Variants in PSEN1 observed in about 807,000 individuals in gnomAD.
PSEN1 encodes presenilin-1.
Under a neutral mutation model 53.5 loss-of-function variants are expected in PSEN1, and 15 were observed. That is an observed-to-expected ratio of 0.28 (90% CI 0.19 to 0.43). PSEN1 has a LOEUF of 0.43. PSEN1 is among the 20% of genes least tolerant of loss of function. The pLI is 1.00. For synonymous variants in PSEN1, 208 were observed against 209.8 expected (o/e 0.99, Z 0.08); for missense variants, 387 against 571.2 (o/e 0.68, Z 3.29).
intron 5 of PSEN1, among the ~76,000 whole-genome samples, chr14:73,179,171 A>G (rs1898130297): frequency 6.6e-6 from 1 of 152,194 alleles, no homozygotes; most frequent in African/African-American, 2.4e-5. Flanking sequence ...GGAGAGAGAG[A>G]AATAAAGCAA....
chr14:73,181,262 A>G (rs535041966), intron 5 of PSEN1, among the ~76,000 whole-genome samples: 1 of 152,238 alleles, frequency 6.6e-6, no homozygotes, highest in East Asian at 1.9e-4. Flanking sequence ...CAACATGGAG[A>G]AATCCTGTCT....
rs3025786 is a variant in PSEN1 at position 73,198,010 on chromosome 14, T to C, written c.770-21T>C. 0.044 allele frequency: 62,406 copies of C among 1,426,226 alleles called. 1,655 individuals are homozygous for C. The highest frequency in any genetic ancestry group is 0.075 in the Middle Eastern group (428 of 5,718). The allele number at this position is 1,426,226 out of a possible 1,614,324, so 88.3% of individuals were successfully genotyped here. A position where few individuals can be genotyped will look rare whatever the true frequency, so the allele number is the denominator to read the frequency against. On this transcript the variant is annotated intron_variant, in intron 7 of 11. Transcript: ENST00000324501. ...AGCCCATACATTTTATTAGATGTCT[T>C]TTATGTTTTTCTTTTTCTAGATTTA...
chr14:73,178,964 G>A (rs148356871), intron 5 of PSEN1, among the ~76,000 whole-genome samples: 12 of 152,186 alleles, frequency 7.9e-5, no homozygotes, highest in East Asian at 1.9e-4. Flanking sequence ...TGTCAGGGTC[G>A]GTGTGTACTG....
At chr14:73,148,549 G>A (rs893347118) in intron 3 of PSEN1, among the ~76,000 whole-genome samples, 4 of 152,226 alleles carry the variant, frequency 2.6e-5, no homozygotes, top group South Asian at 4.1e-4. Flanking sequence ...GGAAAAGAAC[G>A]TAATCTGTGC....
chr14:73,210,150 G>A (rs1451499393), intron 9 of PSEN1, among the ~76,000 whole-genome samples: 1 of 152,158 alleles, frequency 6.6e-6, no homozygotes, highest in East Asian at 1.9e-4. Flanking sequence ...AAAGAACTGA[G>A]AGATTACCTG....
chr14:73,208,862 A>G lies in PSEN1; in HGVS notation c.955+2390A>G, dbSNP rs775379696. The G allele has an allele frequency of 3.1e-5, 14 of 455,146 alleles. No homozygotes were observed. In the Middle Eastern group the frequency reaches 3.7e-3, roughly 120 times the overall value. The allele number at this position is 455,146 out of a possible 1,614,324, so 28.2% of individuals were successfully genotyped here. Reference sequence around the variant, plus strand: ...TCCTGCTGCCATCAACCTGCTGTCTATAGCTCCCATGGCACCCAGGCTGTT... The same window carrying G: ...TCCTGCTGCCATCAACCTGCTGTCTGTAGCTCCCATGGCACCCAGGCTGTT... On this transcript the variant is annotated intron_variant, in intron 9 of 11. Coordinates refer to ENST00000324501, the MANE Select transcript of PSEN1 (RefSeq NM_000021.4).
chr14:73,150,149 C>T (rs1413834940), intron 3 of PSEN1, among the ~76,000 whole-genome samples: 1 of 152,164 alleles, frequency 6.6e-6, no homozygotes, highest in Non-Finnish European at 1.5e-5. Flanking sequence ...GTACCTATCA[C>T]CCAGCTTTAT....
chr14:73,186,671 G>A (rs1898525036), intron 5 of PSEN1, among the ~76,000 whole-genome samples, 182 bp from the exon 6 acceptor site: 2 of 152,124 alleles, frequency 1.3e-5, no homozygotes, highest in African/African-American at 4.8e-5. Context: ...CACCTACTCA[G>A]GAGGCTTAAG....
rs1426950909 is a variant in PSEN1, at chr14:73,161,417, TTTC to T, written c.88-9379_88-9377del. On this transcript the variant is annotated intron_variant, in intron 3 of 11. Transcript: ENST00000324501. Reference sequence around the variant, plus strand: ...ATTTCTCTTAGCAATATTTTGTAAGTTTCATTGTACAGGATATTTGGGGATCTG... The same window carrying T: ...ATTTCTCTTAGCAATATTTTGTAAGTATTGTACAGGATATTTGGGGATCTG... 3.1e-3 allele frequency among the ~76,000 whole-genome samples: 477 copies of T among 152,326 alleles called. 2 individuals carry two copies. The highest frequency in any genetic ancestry group is 8.7e-3 in the African/African-American group (361 of 41,574).
chr14:73,159,676 G>A lies in PSEN1; in HGVS notation c.88-11121G>A, dbSNP rs369503109. On this transcript the variant is annotated intron_variant, in intron 3 of 11. Coordinates refer to ENST00000324501, the MANE Select transcript of PSEN1 (RefSeq NM_000021.4). ...CTGTTCCATCAGTCATGGGTCAAAG[G>A]CTGTTCTCATGGGGAGGCTTTTGAA... Among the ~76,000 whole-genome samples the A allele has an allele frequency of 2.9e-4, 44 of 152,272 alleles. 2 individuals are homozygous for A. In the South Asian group the frequency reaches 8.9e-3, roughly 31 times the overall value.
At position 73,206,418 on chromosome 14, in the gene PSEN1, G is replaced by A. The variant is rs1417396990; in HGVS notation, c.901G>A (p.Gly301Arg). Residue 301 changes from glycine (G) to arginine (R), a missense_variant, in exon 9 of 12, where the codon GGA (glycine) becomes AGA (arginine). Physicochemically the swap from Gly to Arg is moderately radical, Grantham distance 125 (BLOSUM62 -2). Coordinates refer to ENST00000324501, the MANE Select transcript of PSEN1 (RefSeq NM_000021.4). ...GGTGTGGTTGGTGAATATGGCAGAA[G>A]GAGACCCGGAAGCTCAAAGGAGAGT... ...TMVWLVNMAE[G>R]DPEAQRRVSK... 2 of 1,613,986 alleles carry A rather than the reference G, an allele frequency of 1.2e-6. No individual in the cohort carries two copies. The highest frequency in any genetic ancestry group is 1.7e-6 in the Non-Finnish European group (2 of 1,179,994).
chr14:73,184,890 G>C (rs1467708609), intron 5 of PSEN1, among the ~76,000 whole-genome samples: 1 of 150,458 alleles, frequency 6.6e-6, no homozygotes, highest in Non-Finnish European at 1.5e-5. Context: ...CTTCTCAGAC[G>C]GGGCGGCCGG....
At chr14:73,204,694 A>T (rs578226242) in intron 8 of PSEN1, among the ~76,000 whole-genome samples, 130 of 152,314 alleles carry the variant, frequency 8.5e-4, no homozygotes, top group African/African-American at 3.1e-3. Context: ...TGCATAAAGA[A>T]AGAAAACCTA....
intron 3 of PSEN1, among the ~76,000 whole-genome samples, chr14:73,157,431 GC>G (rs1185036046): frequency 1.3e-5 from 2 of 151,964 alleles, no homozygotes; most frequent in South Asian, 2.1e-4. Context: ...GAGTCACCAC[GC>G]CCAGCCCAAG....
At position 73,211,694 on chromosome 14, in the gene PSEN1, T is replaced by C. The variant is rs928139394; in HGVS notation, c.956-75T>C. 5 of 1,509,410 alleles carry C rather than the reference T, an allele frequency of 3.3e-6. No individual in the cohort carries two copies. In the African/African-American group the frequency reaches 4.1e-5, roughly 13 times the overall value. 93.5% of individuals were successfully genotyped at this position (1,509,410 alleles called of 1,614,324 possible). A position where few individuals can be genotyped will look rare whatever the true frequency, so the allele number is the denominator to read the frequency against. On this transcript the variant is annotated intron_variant, in intron 9 of 11. Transcript: ENST00000324501. ...GCTAGTTACAATGACAGCTAGTTAC[T>C]GTTTCCATGTAATTTTCTTAAAGGT...
chr14:73,165,785 C>T (rs1365068931), intron 3 of PSEN1, among the ~76,000 whole-genome samples: 9 of 149,622 alleles, frequency 6.0e-5, no homozygotes, highest in African/African-American at 2.2e-4. Flanking sequence ...TGGCCGGGCG[C>T]GGTGGCTCAC....
chr14:73,204,131 C>T (rs920574278), intron 8 of PSEN1, among the ~76,000 whole-genome samples: 7 of 151,962 alleles, frequency 4.6e-5, no homozygotes, highest in Non-Finnish European at 7.4e-5. Context: ...CCCGAGTCGC[C>T]GGGATTATAG....
intron 8 of PSEN1, among the ~76,000 whole-genome samples, chr14:73,205,811 A>G (rs1899432074): frequency 6.6e-6 from 1 of 152,238 alleles, no homozygotes; most frequent in African/African-American, 2.4e-5. Flanking sequence ...GTGTATATCT[A>G]GATCTAGATT....
intron 5 of PSEN1, among the ~76,000 whole-genome samples, chr14:73,184,943 A>C (rs1898433096): frequency 6.9e-6 from 1 of 144,004 alleles, no homozygotes; most frequent in South Asian, 2.3e-4. Flanking sequence ...GCGGCCGGGC[A>C]GAGGTGCTCC....
Sources: allele counts gnomAD v4.1 joint callset (sites outside exome capture counted in the v4.1 genomes callset), GRCh38; gene constraint gnomAD v4.1.1; transcripts MANE v1.5; gene names NCBI Gene and HGNC (gene_info 2026-07-23, HGNC 2026-07-21).